The following OSBPL8 variants were observed in gnomAD, a reference collection of about 807,000 sequenced individuals.
OSBPL8 encodes the protein oxysterol-binding protein-related protein 8.
In OSBPL8, 59 loss-of-function variants were observed where a neutral mutation model predicts 125.5. The ratio of observed to expected loss-of-function variants is 0.47; its 90% CI spans 0.38 to 0.58. OSBPL8 has a LOEUF of 0.58. OSBPL8 is among the 20% of genes least tolerant of loss of function. The probability of loss-of-function intolerance (pLI) is 0.00; values close to 1 mark genes in which losing one functional copy is unlikely to be tolerated. For synonymous variants in OSBPL8, 330 were observed against 338.9 expected (o/e 0.97, Z 0.29); for missense variants, 758 against 1,047.8 (o/e 0.72, Z 3.82).
At chr12:76,435,718 T>C (rs1871365087) in intron 4 of OSBPL8, among the ~76,000 whole-genome samples, 1 of 152,084 alleles carries the variant, frequency 6.6e-6, no homozygotes, top group Non-Finnish European at 1.5e-5. Flanking sequence ...CAATACGATT[T>C]GTGGTGGGAA....
chr12:76,550,165 C>T (rs1422927199), intron 1 of OSBPL8, among the ~76,000 whole-genome samples: 1 of 152,038 alleles, frequency 6.6e-6, no homozygotes, highest in African/African-American at 2.4e-5. Context: ...CAATTTAAGA[C>T]ACTAAGAAAA....
At position 76,389,707 on chromosome 12, in the gene OSBPL8, C is replaced by G; in HGVS notation, c.1290G>C (p.Leu430Phe). The change falls in exon 12 of 24, where the codon TTG (leucine) becomes TTC (phenylalanine). Residue 430 changes from leucine (L) to phenylalanine (F), a missense_variant. By Grantham distance (22) the Leu-to-Phe change is conservative. This residue lies in a region of OSBPL8 where 572 missense variants were observed against 762.0 expected (regional missense o/e 0.75). Transcript: ENST00000261183. Reference sequence around the variant, plus strand: ...GTTTATCCAGGAAAGAACGGGGTTCCAAAATAAATGTAGGCAGAACCACCT... The same window carrying G: ...GTTTATCCAGGAAAGAACGGGGTTCGAAAATAAATGTAGGCAGAACCACCT... ...LSKVVLPTFI[L>F]EPRSFLDKLS... 6.2e-7 allele frequency: 1 copy of G among 1,605,244 alleles called. No homozygotes were observed. Among genetic ancestry groups the G allele is most frequent in the Non-Finnish European group, 8.5e-7 (1 of 1,174,794 alleles).
At chr12:76,455,933 T>C (rs778169768) in intron 3 of OSBPL8, among the ~76,000 whole-genome samples, 1 of 152,218 alleles carries the variant, frequency 6.6e-6, no homozygotes, top group African/African-American at 2.4e-5. Context: ...AACATTACAG[T>C]GCCCTCTGCT....
At chr12:76,530,548 C>T (rs978156181) in intron 1 of OSBPL8, among the ~76,000 whole-genome samples, 13 of 152,010 alleles carry the variant, frequency 8.6e-5, no homozygotes, top group African/African-American at 3.1e-4. Context: ...TTACCAACTA[C>T]TTTTTTTTCC....
intron 21 of OSBPL8, among the ~76,000 whole-genome samples, chr12:76,363,382 C>A (rs1287577203): frequency 1.3e-5 from 2 of 152,174 alleles, no homozygotes; most frequent in African/African-American, 4.8e-5. Flanking sequence ...TGATCTTGGA[C>A]AAACCTGACA....
chr12:76,557,721 A>G (rs1416824743), intron 1 of OSBPL8, among the ~76,000 whole-genome samples: 1 of 152,146 alleles, frequency 6.6e-6, no homozygotes, highest in East Asian at 1.9e-4. Context: ...ACAATTGTAA[A>G]TTTATCCCCA....
At chr12:76,496,831 C>G (rs12313114) in intron 1 of OSBPL8, among the ~76,000 whole-genome samples, 2 of 152,106 alleles carry the variant, frequency 1.3e-5, no homozygotes, top group Non-Finnish European at 2.9e-5. Flanking sequence ...TGTGAGCCAC[C>G]GTGCGTGGCC....
intron 4 of OSBPL8, among the ~76,000 whole-genome samples, chr12:76,432,732 A>C (rs1870991424): frequency 6.6e-6 from 1 of 152,160 alleles, no homozygotes; most frequent in Non-Finnish European, 1.5e-5. Context: ...AAAACAATAC[A>C]AAAAGGAGTT....
At chr12:76,508,980 T>C (rs12811177) in intron 1 of OSBPL8, among the ~76,000 whole-genome samples, 31,010 of 152,156 alleles carry the variant, frequency 0.2, 3,401 homozygotes, top group Non-Finnish European at 0.26. Context: ...CTTTACTTTC[T>C]TAATAAACTT....
rs1235799182 is a variant in OSBPL8, at chr12:76,369,638, C to T, written c.2239G>A (p.Asp747Asn). 1.9e-6 allele frequency: 3 copies of T among 1,611,722 alleles called. No individual in the cohort carries two copies. Among genetic ancestry groups the T allele is most frequent in the African/African-American group, 2.7e-5 (2 of 74,858 alleles). ...AATAAACTATTTTAAGTTACTTACT[C>T]TGCAAACTTGTAATGCCATTCTCCT... ...LTGEWHYKFA[D>N]TRPWDPLNDM... The change falls in exon 20 of 24, where the codon GAT becomes AAT. Residue 747 changes from aspartate (D) to asparagine (N), a missense_variant and splice_region_variant. Asp to Asn is a conservative substitution (Grantham distance 23, BLOSUM62 1). Around this residue, in one of 3 missense-constraint regions of OSBPL8, gnomAD observed 572 missense variants for 762.0 expected, o/e 0.75. Coordinates refer to ENST00000261183, the MANE Select transcript of OSBPL8 (RefSeq NM_020841.5).
chr12:76,485,786 A>G (rs935206347), intron 2 of OSBPL8, among the ~76,000 whole-genome samples: 1 of 152,188 alleles, frequency 6.6e-6, no homozygotes, highest in African/African-American at 2.4e-5. Context: ...CCCTACCTCT[A>G]AAAGTGAGGA....
intron 1 of OSBPL8, among the ~76,000 whole-genome samples, chr12:76,498,152 C>T (rs1225807771): frequency 6.6e-6 from 1 of 152,132 alleles, no homozygotes; most frequent in Non-Finnish European, 1.5e-5. Flanking sequence ...CACCTGTAAC[C>T]CTAGCACTTT....
intron 1 of OSBPL8, among the ~76,000 whole-genome samples, chr12:76,546,533 A>AT (rs1950787916): frequency 6.6e-6 from 1 of 152,158 alleles, no homozygotes. Flanking sequence ...TTGCTGACAT[A>AT]TAAAAAAATT....
chr12:76,357,621 C>A (rs1488671290), intron 22 of OSBPL8, among the ~76,000 whole-genome samples: 4 of 152,146 alleles, frequency 2.6e-5, no homozygotes, highest in Admixed American at 2.6e-4. Context: ...TAGTATGTTA[C>A]CCCTACCCCA....
intron 4 of OSBPL8, among the ~76,000 whole-genome samples, chr12:76,431,909 C>T (rs979538474): frequency 2.0e-5 from 3 of 152,136 alleles, no homozygotes; most frequent in African/African-American, 7.2e-5. Flanking sequence ...CAGAATTTCC[C>T]CAACAGCAGA....
At chr12:76,530,176 C>A (rs1380470777) in intron 1 of OSBPL8, among the ~76,000 whole-genome samples, 6 of 151,148 alleles carry the variant, frequency 4.0e-5, no homozygotes, top group Admixed American at 1.3e-4. Context: ...CCTTACTCAG[C>A]CTCCCAAGTA....
intron 1 of OSBPL8, among the ~76,000 whole-genome samples, chr12:76,497,265 T>C (rs2137087446): frequency 6.6e-6 from 1 of 152,178 alleles, no homozygotes; most frequent in African/African-American, 2.4e-5. Flanking sequence ...TGATAGGATT[T>C]CTATTGCAAC....
In OSBPL8 at chr12:76,394,709, A is replaced by G; in HGVS notation, c.693T>C (p.Val231=). ...TAGGTAAGGGTTGAGTAATGGATCC[A>G]ACCGCTTCACCTTTTGGACCCTTAA... is the stretch of plus-strand genomic sequence containing the variant. ...WAVKGPKGEA[V]GSITQPLPSS... is the part of the protein sequence containing the mutation. Residue 231 remains valine (V), a synonymous_variant, in exon 9 of 24, where the codon GTT becomes GTC. Coordinates refer to ENST00000261183, the MANE Select transcript of OSBPL8 (RefSeq NM_020841.5). 6.2e-7 allele frequency: 1 copy of G among 1,612,362 alleles called. No homozygotes were observed. Among genetic ancestry groups the G allele is most frequent in the Non-Finnish European group, 8.5e-7 (1 of 1,179,282 alleles).
At chr12:76,490,624 T>A (rs1243138183) in intron 1 of OSBPL8, among the ~76,000 whole-genome samples, 1 of 152,200 alleles carries the variant, frequency 6.6e-6, no homozygotes, top group African/African-American at 2.4e-5. Flanking sequence ...ATCCCCCACA[T>A]TTACCATCTT....
Sources: gnomAD v4.1 joint callset for allele counts (sites outside exome capture counted in the v4.1 genomes callset) on GRCh38, gnomAD v4.1.1 for gene constraint, gnomAD v4.1.1 regional missense constraint, MANE v1.5 for transcripts, NCBI Gene and HGNC (gene_info 2026-07-23, HGNC 2026-07-21) for gene names.